EXOC2: variants seen among roughly 807,000 people sequenced by gnomAD.
EXOC2 encodes the protein SEC5-like 1.
EXOC2 carries 70 observed loss-of-function variants against 131.8 expected under a neutral mutation model. The ratio of observed to expected loss-of-function variants is 0.53; its 90% CI spans 0.44 to 0.65. EXOC2 has a LOEUF of 0.65. Among genes scored for constraint, EXOC2 ranks in the 30% least tolerant of loss-of-function variants. The pLI is 0.00. For missense variants in EXOC2, 923 were observed against 1,108.6 expected (o/e 0.83, Z 2.38); for synonymous variants, 411 against 398.4 (o/e 1.03, Z -0.38).
chr6:591,151 G>A (rs1195276987), intron 11 of EXOC2, among the ~76,000 whole-genome samples: 9 of 152,142 alleles, frequency 5.9e-5, no homozygotes, highest in African/African-American at 2.2e-4. Flanking sequence ...CAGGTGGGGT[G>A]CCTGTCTCCT....
intron 11 of EXOC2, among the ~76,000 whole-genome samples, chr6:592,162 T>C (rs1759574995): frequency 6.6e-6 from 1 of 152,142 alleles, no homozygotes; most frequent in Admixed American, 6.5e-5. Flanking sequence ...GGACTCAACA[T>C]ACACCTGACG....
intron 10 of EXOC2, among the ~76,000 whole-genome samples, chr6:594,600 A>C (rs1759713219): frequency 1.3e-5 from 2 of 152,250 alleles, no homozygotes; most frequent in African/African-American, 2.4e-5. Context: ...GGAATCAATA[A>C]GCTTTGCTTA....
chr6:645,238 T>TA (rs536703571), intron 1 of EXOC2, among the ~76,000 whole-genome samples: 299 of 121,392 alleles, frequency 2.5e-3, no homozygotes, highest in East Asian at 9.7e-3. Context: ...GATAGCTACA[T>TA]AAAAAAAAAA....
chr6:518,321 GC>G (rs1385884065), intron 23 of EXOC2, among the ~76,000 whole-genome samples: 1 of 152,214 alleles, frequency 6.6e-6, no homozygotes, highest in Non-Finnish European at 1.5e-5. Flanking sequence ...GCTTAAGTCG[GC>G]CAACAGGTCA....
intron 23 of EXOC2, among the ~76,000 whole-genome samples, chr6:502,512 C>T (rs996382036): frequency 6.6e-6 from 1 of 152,162 alleles, no homozygotes; most frequent in Non-Finnish European, 1.5e-5. Context: ...TAAACACTTC[C>T]TGGCAAGAAC....
chr6:544,974 C>T lies in EXOC2; in HGVS notation c.2238+4201G>A, dbSNP rs554810139. ...CATCCTGGCTAACAAGGTGAAACCC[C>T]GTCTCTACTAAAAATACAAAAAATT... is the stretch of plus-strand genomic sequence containing the variant. On this transcript the variant is annotated intron_variant, in intron 22 of 27. Transcript: ENST00000230449. Among the ~76,000 whole-genome samples, 20 of 151,374 alleles carry T rather than the reference C, an allele frequency of 1.3e-4. No homozygotes were observed. In the South Asian group the frequency reaches 2.9e-3, roughly 22 times the overall value.
intron 13 of EXOC2, among the ~76,000 whole-genome samples, chr6:566,468 A>G (rs534513394): frequency 6.6e-6 from 1 of 152,154 alleles, no homozygotes; most frequent in East Asian, 1.9e-4. Context: ...GTGAGGAAGG[A>G]GGCATGCGCA....
chr6:514,079 G>T (rs1764999571), intron 23 of EXOC2, among the ~76,000 whole-genome samples: 1 of 152,212 alleles, frequency 6.6e-6, no homozygotes, highest in African/African-American at 2.4e-5. Flanking sequence ...CTCCTTGACG[G>T]CTGTAGACAG....
At chr6:571,640 T>C (rs1758282704) in intron 13 of EXOC2, among the ~76,000 whole-genome samples, 1 of 152,136 alleles carries the variant, frequency 6.6e-6, no homozygotes, top group African/African-American at 2.4e-5. Context: ...AAACCAAAAA[T>C]GGTTTTAGCC....
At chr6:503,117 G>C (rs911244079) in intron 23 of EXOC2, among the ~76,000 whole-genome samples, 8 of 151,678 alleles carry the variant, frequency 5.3e-5, no homozygotes, top group African/African-American at 1.7e-4. Context: ...AATCATTGAT[G>C]GTCTCTCTCC....
At chr6:665,625 T>C (rs1262753911) in intron 1 of EXOC2, among the ~76,000 whole-genome samples, 2 of 152,210 alleles carry the variant, frequency 1.3e-5, no homozygotes, top group Non-Finnish European at 2.9e-5. Flanking sequence ...TAATAGCATT[T>C]GCAGTGACGT....
chr6:615,734 A>G (rs1463004448), intron 6 of EXOC2, among the ~76,000 whole-genome samples: 3 of 151,840 alleles, frequency 2.0e-5, no homozygotes, highest in South Asian at 2.1e-4. Context: ...GAAAAAAAAA[A>G]AAAAAGAAAA....
At chr6:613,285 C>T (rs922310203) in intron 6 of EXOC2, among the ~76,000 whole-genome samples, 10 of 151,998 alleles carry the variant, frequency 6.6e-5, no homozygotes, top group African/African-American at 2.4e-4. Context: ...CCTGTGGGGA[C>T]ACACAGGAAG....
chr6:673,795 G>A (rs1308679252), intron 1 of EXOC2, among the ~76,000 whole-genome samples: 1 of 152,146 alleles, frequency 6.6e-6, no homozygotes, highest in African/African-American at 2.4e-5. Flanking sequence ...TAATTAAAAA[G>A]TATGAAATAT....
In EXOC2 at chr6:587,358, C is replaced by A. The variant is rs527665896; in HGVS notation, c.1192+5111G>T. Among the ~76,000 whole-genome samples, 5 of 152,120 alleles carry A rather than the reference C, an allele frequency of 3.3e-5. No individual in the cohort carries two copies. The South Asian group carries it at 1.0e-3, about 32-fold the overall frequency. The stretch of plus-strand genomic sequence containing the variant: ...CTCCCAGGTTCCTGCCATTCTCCTG[C>A]CCCAGCCTCCCAAGTAGCTGGGACT... On this transcript the variant is annotated intron_variant, in intron 11 of 27. Coordinates refer to ENST00000230449, the MANE Select transcript of EXOC2 (RefSeq NM_018303.6).
chr6:613,146 T>C (rs1760801245), intron 6 of EXOC2, among the ~76,000 whole-genome samples: 1 of 152,126 alleles, frequency 6.6e-6, no homozygotes, highest in Non-Finnish European at 1.5e-5. Context: ...GGGAAGGCCA[T>C]GGCAAAATGA....
chr6:670,728 C>T (rs919346259), intron 1 of EXOC2, among the ~76,000 whole-genome samples: 6 of 152,158 alleles, frequency 3.9e-5, no homozygotes, highest in African/African-American at 1.4e-4. Context: ...GATGCCACAA[C>T]TCGCATCACA....
intron 23 of EXOC2, among the ~76,000 whole-genome samples, chr6:518,765 G>A (rs1228984089): frequency 2.0e-5 from 3 of 152,088 alleles, no homozygotes; most frequent in South Asian, 4.2e-4. Flanking sequence ...AAAAAAAGAT[G>A]ACCAATGAAA....
At chr6:532,171 G>A (rs138254755) in intron 23 of EXOC2, among the ~76,000 whole-genome samples, 14 of 152,218 alleles carry the variant, frequency 9.2e-5, no homozygotes, top group African/African-American at 3.1e-4. Context: ...TCACTCTATT[G>A]TATCTATGTG....
Sources: allele counts gnomAD v4.1 joint callset (sites outside exome capture counted in the v4.1 genomes callset), GRCh38; gene constraint gnomAD v4.1.1; transcripts MANE v1.5; gene names NCBI Gene and HGNC (gene_info 2026-07-23, HGNC 2026-07-21).